The following AGMO variants were observed in gnomAD, a reference collection of about 807,000 sequenced individuals.
AGMO encodes glyceryl-ether monooxygenase.
In AGMO, 75 loss-of-function variants were observed where a neutral mutation model predicts 60.2. The observed-to-expected ratio is 1.25, with a 90% CI of 1.03 to 1.51. The LOEUF (loss-of-function observed/expected upper bound fraction) is 1.51, where lower values mean the gene tolerates loss of function less well. Ranked by LOEUF, AGMO falls within the 40% of genes most tolerant of loss-of-function variation. AGMO has a pLI of 0.00. For missense variants in AGMO, 763 were observed against 525.5 expected (o/e 1.45, Z -4.42); for synonymous variants, 261 against 177.1 (o/e 1.47, Z -3.76).
intron 4 of AGMO, among the ~76,000 whole-genome samples, chr7:15,428,972 A>G (rs1259523300): frequency 6.6e-6 from 1 of 152,032 alleles, no homozygotes; most frequent in Non-Finnish European, 1.5e-5. Flanking sequence ...CAATTTTTTA[A>G]GAAGGGAGGA....
At chr7:15,504,019 G>A (rs1783450307) in intron 3 of AGMO, among the ~76,000 whole-genome samples, 1 of 151,968 alleles carries the variant, frequency 6.6e-6, no homozygotes, top group Non-Finnish European at 1.5e-5. Context: ...CAATGACAGA[G>A]GCAATTCCAC....
chr7:15,187,901 C>CT, the AGMO span, among the ~76,000 whole-genome samples: 1 of 151,092 alleles, frequency 6.6e-6, no homozygotes, highest in African/African-American at 2.4e-5. Flanking sequence ...GGATTAACTC[C>CT]CCCCCGACTG....
intron 3 of AGMO, among the ~76,000 whole-genome samples, chr7:15,515,369 G>A (rs937434438): frequency 6.6e-6 from 1 of 152,140 alleles, no homozygotes; most frequent in Admixed American, 6.6e-5. Flanking sequence ...ATGAGCTTTA[G>A]GAAAACACAG....
intron 12 of AGMO, among the ~76,000 whole-genome samples, chr7:15,244,111 A>G (rs944493565): frequency 1.3e-5 from 2 of 152,142 alleles, no homozygotes; most frequent in African/African-American, 4.8e-5. Flanking sequence ...AATGGTGTAC[A>G]TATGTTATTG....
At chr7:15,264,240 C>T (rs1030563362) in intron 12 of AGMO, among the ~76,000 whole-genome samples, 2 of 151,708 alleles carry the variant, frequency 1.3e-5, no homozygotes, top group South Asian at 2.1e-4. Context: ...TTTAGAAAAG[C>T]TTAAAATATA....
intron 12 of AGMO, among the ~76,000 whole-genome samples, chr7:15,313,621 A>G (rs1307242506): frequency 1.3e-5 from 2 of 152,140 alleles, no homozygotes; most frequent in African/African-American, 4.8e-5. Flanking sequence ...GAGAGATAAG[A>G]GGAGATAGAG....
intron 12 of AGMO, among the ~76,000 whole-genome samples, chr7:15,211,579 A>G (rs1781593500): frequency 6.6e-6 from 1 of 151,752 alleles, no homozygotes; most frequent in East Asian, 1.9e-4. Context: ...GAGTTTTTAT[A>G]CAAGCCTTTT....
At chr7:15,222,594 T>G (rs890509922) in intron 12 of AGMO, among the ~76,000 whole-genome samples, 1 of 152,114 alleles carries the variant, frequency 6.6e-6, no homozygotes, top group Non-Finnish European at 1.5e-5. Flanking sequence ...GAAACTGTTA[T>G]GTCTATTAAC....
chr7:15,221,155 A>G (rs1387816209), intron 12 of AGMO, among the ~76,000 whole-genome samples: 1 of 152,132 alleles, frequency 6.6e-6, no homozygotes, highest in Non-Finnish European at 1.5e-5. Flanking sequence ...CCGAAAATGT[A>G]GGAGAATCAT....
chr7:15,339,450 A>C (rs1781763730), intron 12 of AGMO, among the ~76,000 whole-genome samples: 1 of 152,314 alleles, frequency 6.6e-6, no homozygotes, highest in Non-Finnish European at 1.5e-5. Flanking sequence ...TTATGCATAT[A>C]ATTATATCTA....
intron 3 of AGMO, among the ~76,000 whole-genome samples, chr7:15,480,597 T>A (rs1241916710): frequency 1.3e-5 from 2 of 152,188 alleles, no homozygotes; most frequent in Non-Finnish European, 2.9e-5. Context: ...TCTGGCTACA[T>A]ACCAATTCAA....
chr7:15,236,235 A>C (rs1197903771), intron 12 of AGMO, among the ~76,000 whole-genome samples: 1 of 152,126 alleles, frequency 6.6e-6, no homozygotes, highest in Non-Finnish European at 1.5e-5. Flanking sequence ...GGGGTGGTTG[A>C]ATAATACTCT....
chr7:15,122,554 T>A, the AGMO span, among the ~76,000 whole-genome samples: 2 of 152,128 alleles, frequency 1.3e-5, no homozygotes, highest in African/African-American at 2.4e-5. Context: ...GAGCTCCTAA[T>A]CTGCTCACCC....
Position 15,366,221 on chromosome 7 carries a change from G to C in AGMO, c.1076C>G (p.Ala359Gly). Residue 359 changes from alanine to glycine, a missense_variant and splice_region_variant, in exon 11 of 13, where the codon GCA (alanine) becomes GGA (glycine). Physicochemically the swap from Ala to Gly is moderately conservative, Grantham distance 60. Coordinates refer to ENST00000342526, the MANE Select transcript of AGMO (RefSeq NM_001004320.2). Reference protein sequence around the residue: ...FYEETFADTAALSQVTLLLRV... With the variant: ...FYEETFADTAGLSQVTLLLRV... ...CAGAAGGAGAGTAACTTGCGACAGTGCCTGTCAAACAAACACGGAGATCAA... is the reference window on the plus strand; with the variant it reads ...CAGAAGGAGAGTAACTTGCGACAGTCCCTGTCAAACAAACACGGAGATCAA... The C allele has an allele frequency of 6.2e-7, 1 of 1,601,338 alleles. No homozygotes were observed.
At chr7:15,306,940 G>A (rs916565483) in intron 12 of AGMO, among the ~76,000 whole-genome samples, 1 of 151,746 alleles carries the variant, frequency 6.6e-6, no homozygotes. Context: ...TTACAATCAT[G>A]AGAAATAATC....
At chr7:15,226,648 T>TTAAC (rs1782091733) in intron 12 of AGMO, among the ~76,000 whole-genome samples, 1 of 152,074 alleles carries the variant, frequency 6.6e-6, no homozygotes, top group Admixed American at 6.6e-5. Flanking sequence ...ACCTTTATTA[T>TTAAC]TAACCCTGAA....
intron 3 of AGMO, among the ~76,000 whole-genome samples, chr7:15,463,261 A>C (rs968980269): frequency 6.6e-6 from 1 of 152,162 alleles, no homozygotes; most frequent in Non-Finnish European, 1.5e-5. Flanking sequence ...GGTAATGGAC[A>C]TGGACCTCAA....
intron 12 of AGMO, among the ~76,000 whole-genome samples, chr7:15,352,776 T>C (rs1172504104): frequency 2.0e-5 from 3 of 151,830 alleles, no homozygotes; most frequent in Non-Finnish European, 4.4e-5. Context: ...AGAGCCATTA[T>C]CTAGTATCTG....
chr7:15,189,810 TAC>T, the AGMO span, among the ~76,000 whole-genome samples: 2,020 of 151,412 alleles, frequency 0.013, 35 homozygotes, highest in African/African-American at 0.046. Context: ...GCTGATAGTT[TAC>T]AGTTTTCAGA....
Sources: allele counts gnomAD v4.1 joint callset (sites outside exome capture counted in the v4.1 genomes callset), GRCh38; gene constraint gnomAD v4.1.1; transcripts MANE v1.5; gene names NCBI Gene and HGNC (gene_info 2026-07-23, HGNC 2026-07-21).